CSMD1: variants seen among roughly 807,000 people sequenced by gnomAD.
CSMD1 encodes CUB and sushi domain-containing protein 1.
In CSMD1, 213 loss-of-function variants were observed where a neutral mutation model predicts 417.5. The observed-to-expected ratio is 0.51, with a 90% CI of 0.46 to 0.57. CSMD1 has a LOEUF of 0.57. CSMD1 is among the 20% of genes least tolerant of loss of function. The probability of loss-of-function intolerance (pLI) is 0.00; values close to 1 mark genes in which losing one functional copy is unlikely to be tolerated. For synonymous variants in CSMD1, 2,862 were observed against 1,736.8 expected (o/e 1.65, Z -16.11); for missense variants, 6,923 against 4,529.7 (o/e 1.53, Z -15.17).
rs888314000 is a variant in CSMD1, at chr8:4,284,835, A to T, written c.415+135118T>A. On this transcript the variant is annotated intron_variant, in intron 3 of 69. Transcript: ENST00000635120. ...ATATATGTGGCCGTGTTCAAAAACA[A>T]AACAAAACAAAGAAACAAAAACAAA... 2.6e-5 allele frequency among the ~76,000 whole-genome samples: 4 copies of T among 152,176 alleles called. No individual in the cohort carries two copies. The East Asian group carries it at 7.7e-4, about 29-fold the overall frequency.
chr8:4,237,475 G>C (rs1319223214), intron 3 of CSMD1, among the ~76,000 whole-genome samples: 1 of 151,992 alleles, frequency 6.6e-6, no homozygotes, highest in East Asian at 1.9e-4. Context: ...TGAGGAATAA[G>C]GTAATATGGC....
At chr8:4,934,101 G>T (rs183000511) in intron 1 of CSMD1, among the ~76,000 whole-genome samples, 149 of 152,206 alleles carry the variant, frequency 9.8e-4, no homozygotes, top group South Asian at 9.5e-3. Flanking sequence ...GGCGGCAGCC[G>T]TGAGCACCAG....
chr8:3,589,470 T>A (rs1164132033), intron 8 of CSMD1, among the ~76,000 whole-genome samples: 1 of 152,034 alleles, frequency 6.6e-6, no homozygotes, highest in Non-Finnish European at 1.5e-5. Flanking sequence ...AATCTTGCCA[T>A]TTGTGACAAC....
chr8:4,119,381 C>T (rs1436931835), intron 3 of CSMD1, among the ~76,000 whole-genome samples: 1 of 152,156 alleles, frequency 6.6e-6, no homozygotes, highest in African/African-American at 2.4e-5. Context: ...AGAGGTTGAT[C>T]TACTACTGAT....
At chr8:4,269,842 TC>T (rs1359449847) in intron 3 of CSMD1, among the ~76,000 whole-genome samples, 1 of 152,122 alleles carries the variant, frequency 6.6e-6, no homozygotes, top group Admixed American at 6.6e-5. Flanking sequence ...AATCTATCCT[TC>T]CCCTACAAAA....
chr8:4,430,623 A>G (rs1023549636), intron 2 of CSMD1, among the ~76,000 whole-genome samples: 3 of 152,034 alleles, frequency 2.0e-5, no homozygotes, highest in African/African-American at 7.2e-5. Context: ...AATTCAACTG[A>G]TCCTCTTTTT....
chr8:3,602,537 C>A (rs1215481291), intron 8 of CSMD1, among the ~76,000 whole-genome samples: 3 of 152,118 alleles, frequency 2.0e-5, no homozygotes, highest in Non-Finnish European at 2.9e-5. Flanking sequence ...ATCTCACAGG[C>A]TTCTTTTAGC....
intron 69 of CSMD1, among the ~76,000 whole-genome samples, 186 bp downstream of exon 69, chr8:2,942,286 G>C (rs1022351831): frequency 1.3e-5 from 2 of 151,422 alleles, no homozygotes; most frequent in African/African-American, 4.9e-5. Context: ...ATTTAACTAG[G>C]TAACAAACCT....
At chr8:3,598,893 C>T (rs755875415) in intron 8 of CSMD1, among the ~76,000 whole-genome samples, 5 of 151,956 alleles carry the variant, frequency 3.3e-5, no homozygotes, top group Non-Finnish European at 7.4e-5. Context: ...CCAGTCTGAC[C>T]AACATAATGA....
chr8:4,122,184 G>A (rs1196995446), intron 3 of CSMD1, among the ~76,000 whole-genome samples: 5 of 152,146 alleles, frequency 3.3e-5, no homozygotes, highest in African/African-American at 1.2e-4. Context: ...GAATGACAGT[G>A]ACTCCAACAC....
chr8:4,935,507 T>G lies in CSMD1; in HGVS notation c.85+58825A>C, dbSNP rs527738339. On this transcript the variant is annotated intron_variant, in intron 1 of 69. Transcript: ENST00000635120. ...AGTGTGAATCCATTAAGCCATGTGT[T>G]TCATGAATGAACGAATGAATGAATA... Among the ~76,000 whole-genome samples the G allele has an allele frequency of 3.3e-5, 5 of 152,342 alleles. No homozygotes were observed. The East Asian group carries it at 7.7e-4, about 23-fold the overall frequency.
At chr8:4,893,901 G>T (rs749029046) in intron 1 of CSMD1, among the ~76,000 whole-genome samples, 15 of 152,056 alleles carry the variant, frequency 9.9e-5, no homozygotes, top group Non-Finnish European at 1.6e-4. Context: ...TAACCAAGGG[G>T]GCGGGGCAAT....
chr8:4,961,571 T>C (rs943849782), intron 1 of CSMD1, among the ~76,000 whole-genome samples: 2 of 152,206 alleles, frequency 1.3e-5, no homozygotes, highest in Non-Finnish European at 2.9e-5. Flanking sequence ...TTAACCATTG[T>C]TATCTAGTGC....
At chr8:4,342,673 G>C (rs1388142791) in intron 3 of CSMD1, among the ~76,000 whole-genome samples, 1 of 151,970 alleles carries the variant, frequency 6.6e-6, no homozygotes, top group Non-Finnish European at 1.5e-5. Context: ...AACATGAACT[G>C]GCTGCCCAGC....
intron 3 of CSMD1, among the ~76,000 whole-genome samples, chr8:4,214,657 T>C (rs1800526627): frequency 6.6e-6 from 1 of 152,120 alleles, no homozygotes; most frequent in Admixed American, 6.6e-5. Flanking sequence ...CGTGTATGTG[T>C]GTGTGTATGA....
intron 1 of CSMD1, among the ~76,000 whole-genome samples, chr8:4,835,831 T>C (rs1293454429): frequency 2.0e-5 from 3 of 151,880 alleles, no homozygotes; most frequent in African/African-American, 7.3e-5. Flanking sequence ...ATGGAATTAC[T>C]TGTACATCAA....
chr8:3,367,572 T>C (rs551937627), intron 19 of CSMD1, among the ~76,000 whole-genome samples: 14 of 152,184 alleles, frequency 9.2e-5, no homozygotes, highest in Admixed American at 5.2e-4. Flanking sequence ...TATCTTGATA[T>C]GAAAATCTAG....
intron 8 of CSMD1, among the ~76,000 whole-genome samples, chr8:3,615,863 G>A (rs961943838): frequency 6.6e-6 from 1 of 151,962 alleles, no homozygotes; most frequent in African/African-American, 2.4e-5. Context: ...CATCCATCTT[G>A]TAAGATGGAA....
At chr8:3,274,511 T>C (rs2117175069) in intron 26 of CSMD1, among the ~76,000 whole-genome samples, 1 of 152,272 alleles carries the variant, frequency 6.6e-6, no homozygotes, top group Admixed American at 6.5e-5. Context: ...TTGATCTGTC[T>C]AAAGTTGACA....
Sources: allele counts gnomAD v4.1 joint callset (sites outside exome capture counted in the v4.1 genomes callset), GRCh38; gene constraint gnomAD v4.1.1; transcripts MANE v1.5; gene names NCBI Gene and HGNC (gene_info 2026-07-23, HGNC 2026-07-21).